The following VPS45 variants were observed in gnomAD, a reference collection of about 807,000 sequenced individuals.
VPS45 encodes the protein vacuolar protein sorting 45 homolog.
A neutral mutation model predicts 75.9 loss-of-function variants in VPS45; 35 were observed. The ratio of observed to expected loss-of-function variants is 0.46; its 90% CI spans 0.35 to 0.61. The LOEUF (loss-of-function observed/expected upper bound fraction) is 0.61, where lower values mean the gene tolerates loss of function less well. VPS45 is among the 20% of genes least tolerant of loss of function. The probability of loss-of-function intolerance (pLI) is 0.00; values close to 1 mark genes in which losing one functional copy is unlikely to be tolerated. For synonymous variants in VPS45, 220 were observed against 238.2 expected (o/e 0.92, Z 0.70); for missense variants, 559 against 685.9 (o/e 0.81, Z 2.07).
intron 14 of VPS45, among the ~76,000 whole-genome samples, chr1:150,129,646 G>A (rs1368923528): frequency 3.4e-5 from 5 of 149,148 alleles, no homozygotes; most frequent in East Asian, 4.0e-4. Context: ...TGCAACGCCC[G>A]CCTCCCAGGT....
intron 7 of VPS45, among the ~76,000 whole-genome samples, chr1:150,078,482 G>A (rs1490860520): frequency 6.6e-6 from 1 of 152,108 alleles, no homozygotes; most frequent in East Asian, 1.9e-4. Flanking sequence ...CAATCTGGCC[G>A]GGCACGGTCG....
intron 2 of VPS45, among the ~76,000 whole-genome samples, chr1:150,070,648 A>T (rs55676120): frequency 7.4e-6 from 1 of 135,852 alleles, no homozygotes; most frequent in Non-Finnish European, 1.6e-5. Context: ...AAAAAAAAAA[A>T]CAACAAAAAA....
At chr1:150,124,586 C>T (rs1442762939) in intron 14 of VPS45, among the ~76,000 whole-genome samples, 9 of 132,466 alleles carry the variant, frequency 6.8e-5, no homozygotes, top group Non-Finnish European at 1.4e-4. Context: ...CTCGCCCTGT[C>T]ACCCAGGCTG....
chr1:150,072,087 A>C (rs1458661306), intron 2 of VPS45, 79 bp from the exon 3 acceptor site: 55 of 1,293,820 alleles, frequency 4.3e-5, no homozygotes, highest in Non-Finnish European at 5.6e-5. Context: ...TAAATAAACA[A>C]ATCAATGGGT....
chr1:150,128,298 G>A lies in VPS45; in HGVS notation c.1626-16411G>A, dbSNP rs1203708945. Among the ~76,000 whole-genome samples, 4 of 18,564 alleles carry A rather than the reference G, an allele frequency of 2.2e-4. No individual in the cohort carries two copies. In the East Asian group the frequency reaches 3.6e-3, roughly 17 times the overall value. The allele number at this position is 18,564 out of a possible 152,430, so 12.2% of individuals were successfully genotyped here. A position where few individuals can be genotyped will look rare whatever the true frequency, so the allele number is the denominator to read the frequency against. ...GCCTGGGTAACAGAATGGGACCCTT[G>A]TCTTAAAAAAAAAAAGAAAATTAAC... On this transcript the variant is annotated intron_variant, in intron 14 of 14. Coordinates refer to ENST00000644510, the MANE Select transcript of VPS45 (RefSeq NM_007259.5).
intron 14 of VPS45, among the ~76,000 whole-genome samples, chr1:150,111,318 C>T (rs1484244394): frequency 3.9e-5 from 6 of 152,042 alleles, no homozygotes; most frequent in African/African-American, 1.4e-4. Flanking sequence ...GAGTTAACCA[C>T]GTGAACAAGT....
At chr1:150,096,620 A>C (rs1656670920) in intron 13 of VPS45, among the ~76,000 whole-genome samples, 1 of 152,224 alleles carries the variant, frequency 6.6e-6, no homozygotes, top group Non-Finnish European at 1.5e-5. Flanking sequence ...GCCAGAGCTA[A>C]AGTCTTCATG....
intron 13 of VPS45, among the ~76,000 whole-genome samples, chr1:150,094,076 A>G (rs1656491221): frequency 6.6e-6 from 1 of 152,204 alleles, no homozygotes; most frequent in African/African-American, 2.4e-5. Context: ...AGACCTAATT[A>G]ATAAAGGCCA....
chr1:150,099,034 A>G lies in VPS45; in HGVS notation c.1493+5386A>G, dbSNP rs965318379. ...TTCTGTGAAGCAGCAGTCCTTTTTC[A>G]TTGGCCTTTTTTCCTGCAGTAAATG... On this transcript the variant is annotated intron_variant, in intron 13 of 14. Transcript: ENST00000644510. 1.6e-5 allele frequency: 18 copies of G among 1,097,088 alleles called. No individual in the cohort carries two copies. The South Asian group carries it at 3.8e-4, about 23-fold the overall frequency. The allele number at this position is 1,097,088 out of a possible 1,614,324, so 68.0% of individuals were successfully genotyped here.
At chr1:150,108,761 C>T (rs141255142) in intron 13 of VPS45, among the ~76,000 whole-genome samples, 24 of 152,316 alleles carry the variant, frequency 1.6e-4, no homozygotes, top group African/African-American at 5.8e-4. Context: ...GAACACACAA[C>T]CTAGATCCCT....
chr1:150,068,142 G>A (rs1654829829), intron 1 of VPS45, 192 bp downstream of exon 1: 1 of 578,586 alleles, frequency 1.7e-6, no homozygotes, highest in Non-Finnish European at 3.0e-6. Flanking sequence ...CCACTGCCTA[G>A]AGACTACTTC....
rs1553802459 is a variant in VPS45, at chr1:150,093,556, A to G, written c.1401A>G (p.Gln467=). The change falls in exon 13 of 15, where the codon CAA becomes CAG. Residue 467 remains glutamine (Q), a synonymous_variant. Coordinates refer to ENST00000644510, the MANE Select transcript of VPS45 (RefSeq NM_007259.5). ...TAGAAAATGTATATACACAGCATCA[A>G]CCTTTCCTACATGAAACCCTGGATC... ...KGVENVYTQH[Q]PFLHETLDHL... is the part of the protein sequence containing the mutation. 6.2e-6 allele frequency: 10 copies of G among 1,613,792 alleles called. No homozygotes were observed. Among genetic ancestry groups the G allele is most frequent in the African/African-American group, 2.7e-5 (2 of 74,890 alleles).
At chr1:150,074,837 T>C (rs1258163553) in intron 3 of VPS45, among the ~76,000 whole-genome samples, 2 of 152,106 alleles carry the variant, frequency 1.3e-5, no homozygotes, top group Non-Finnish European at 2.9e-5. Flanking sequence ...TCTAAGACAT[T>C]ATATAATTTT....
In VPS45 at chr1:150,092,425, C is replaced by G. The variant is rs372840648; in HGVS notation, c.1371+16C>G. 2 of 1,604,000 alleles carry G rather than the reference C, an allele frequency of 1.2e-6. No homozygotes were observed. The highest frequency in any genetic ancestry group is 8.5e-7 in the Non-Finnish European group (1 of 1,171,634). Reference sequence around the variant, plus strand: ...AGGACTGAAGGTATAGACATCTCCTCTATGCTCTCCTGAGTGAGAACAGTT... The same window carrying G: ...AGGACTGAAGGTATAGACATCTCCTGTATGCTCTCCTGAGTGAGAACAGTT... On this transcript the variant is annotated intron_variant, in intron 12 of 14. Coordinates refer to ENST00000644510, the MANE Select transcript of VPS45 (RefSeq NM_007259.5).
Position 150,110,589 on chromosome 1 carries a change from G to T in VPS45, c.1587G>T (p.Arg529Ser), listed in dbSNP as rs781967109. 6.2e-7 allele frequency: 1 copy of T among 1,613,614 alleles called. No individual in the cohort carries two copies. Among genetic ancestry groups the T allele is most frequent in the Admixed American group, 1.7e-5 (1 of 59,972 alleles). The change falls in exon 14 of 15, where the codon AGG (arginine) becomes AGT (serine). Residue 529 changes from arginine (R) to serine (S), a missense_variant. Coordinates refer to ENST00000644510, the MANE Select transcript of VPS45 (RefSeq NM_007259.5). The part of the protein sequence containing the change: ...YNLNRTTPGV[R>S]IVLGGTTVHN... Reference sequence around the variant, plus strand: ...TGAACCGCACCACTCCTGGAGTGAGGATTGTCCTGGGAGGCACCACAGTGC... The same window carrying T: ...TGAACCGCACCACTCCTGGAGTGAGTATTGTCCTGGGAGGCACCACAGTGC...
chr1:150,127,321 A>AC (rs1658569282), intron 14 of VPS45, among the ~76,000 whole-genome samples: 1 of 148,318 alleles, frequency 6.7e-6, no homozygotes, highest in Non-Finnish European at 1.5e-5. Context: ...AGTGAAGCAG[A>AC]TTTTTTTTTT....
At position 150,113,351 on chromosome 1, in the gene VPS45, C is replaced by T. The variant is rs1332217082; in HGVS notation, c.1625+2724C>T. Among the ~76,000 whole-genome samples the T allele has an allele frequency of 2.0e-5, 3 of 152,160 alleles. No individual in the cohort carries two copies. The East Asian group carries it at 5.8e-4, about 29-fold the overall frequency. Reference sequence around the variant, plus strand: ...GTGATACCACATACATACACTTACACACAGTTATTTCATTATGTACGGAAA... The same window carrying T: ...GTGATACCACATACATACACTTACATACAGTTATTTCATTATGTACGGAAA... On this transcript the variant is annotated intron_variant, in intron 14 of 14. Transcript: ENST00000644510.
In VPS45 at chr1:150,072,195, C is replaced by T. The variant is rs781836307; in HGVS notation, c.258C>T (p.Leu86=). ...KENVDYIIQE[L]RRPKYTIYFI... is the part of the protein sequence containing the mutation. ...ATGTGGATTATATTATTCAGGAGCTCCGAAGACCCAAATACACTATATATT... is the reference window on the plus strand; with the variant it reads ...ATGTGGATTATATTATTCAGGAGCTTCGAAGACCCAAATACACTATATATT... Residue 86 remains leucine, a synonymous_variant, in exon 3 of 15, where the codon CTC becomes CTT. Coordinates refer to ENST00000644510, the MANE Select transcript of VPS45 (RefSeq NM_007259.5). The T allele has an allele frequency of 3.1e-6, 5 of 1,607,974 alleles. No individual in the cohort carries two copies. The South Asian group carries it at 4.4e-5, about 14-fold the overall frequency.
intron 14 of VPS45, among the ~76,000 whole-genome samples, chr1:150,143,952 A>G (rs1202551069): frequency 6.6e-6 from 1 of 151,908 alleles, no homozygotes; most frequent in Non-Finnish European, 1.5e-5. Flanking sequence ...ATACACACAC[A>G]TGGCTTTAAA....
Sources: allele counts gnomAD v4.1 joint callset (sites outside exome capture counted in the v4.1 genomes callset), GRCh38; gene constraint gnomAD v4.1.1; transcripts MANE v1.5; gene names NCBI Gene and HGNC (gene_info 2026-07-23, HGNC 2026-07-21).